STPG2: variants seen among roughly 807,000 people sequenced by gnomAD.
STPG2 encodes sperm tail PG-rich repeat containing 2, also known as sperm-tail PG-rich repeat-containing protein 2.
A neutral mutation model predicts 54.2 loss-of-function variants in STPG2; 56 were observed. The observed-to-expected ratio is 1.03, with a 90% CI of 0.83 to 1.29. The LOEUF (loss-of-function observed/expected upper bound fraction) is 1.29, where lower values mean the gene tolerates loss of function less well. STPG2 is among the 50% of genes most tolerant of loss of function. The pLI, the probability that STPG2 is intolerant of heterozygous loss-of-function variation, is 0.00. For missense variants in STPG2, 596 were observed against 544.9 expected (o/e 1.09, Z -0.93); for synonymous variants, 200 against 181.8 (o/e 1.10, Z -0.81).
At chr4:97,873,466 T>C (rs759240895) in intron 8 of STPG2, among the ~76,000 whole-genome samples, 1 of 151,552 alleles carries the variant, frequency 6.6e-6, no homozygotes, top group Non-Finnish European at 1.5e-5. Context: ...TTATTACTAA[T>C]AACATTTTAA....
intron 10 of STPG2, among the ~76,000 whole-genome samples, chr4:97,570,541 T>C (rs1732572719): frequency 6.6e-6 from 1 of 151,744 alleles, no homozygotes; most frequent in Admixed American, 6.6e-5. Flanking sequence ...CTAGGTATTC[T>C]AGATTTGCAA....
chr4:97,793,234 T>C (rs1195757771), intron 9 of STPG2, among the ~76,000 whole-genome samples: 1 of 152,142 alleles, frequency 6.6e-6, no homozygotes, highest in Non-Finnish European at 1.5e-5. Context: ...TTTTTCTGCT[T>C]TATTTTTTCT....
rs77829845 is a variant in STPG2, at chr4:97,922,709, T to C, written c.1044+21188A>G. On this transcript the variant is annotated intron_variant, in intron 8 of 10. Coordinates refer to ENST00000295268, the MANE Select transcript of STPG2 (RefSeq NM_174952.3). ...TCTGTTAGGTCCTGCAAACAGGAGA[T>C]GCTAGACAGCATATGCAAGGTTAGG... Among the ~76,000 whole-genome samples, 86 of 152,318 alleles carry C rather than the reference T, an allele frequency of 5.6e-4. 4 individuals carry two copies. In the East Asian group the frequency reaches 0.016, roughly 29 times the overall value.
chr4:97,738,429 G>C (rs1184354788), intron 9 of STPG2, among the ~76,000 whole-genome samples: 1 of 152,120 alleles, frequency 6.6e-6, no homozygotes, highest in Non-Finnish European at 1.5e-5. Context: ...ATTGGATAAA[G>C]AGTCAAGACC....
At chr4:97,816,623 C>A (rs968340443) in intron 9 of STPG2, among the ~76,000 whole-genome samples, 6 of 152,108 alleles carry the variant, frequency 3.9e-5, no homozygotes, top group African/African-American at 1.2e-4. Context: ...GCCCTCCTCA[C>A]CACGGATGAG....
chr4:97,485,101 T>C (rs1730320617), intron 4 of STPG2, among the ~76,000 whole-genome samples: 1 of 151,806 alleles, frequency 6.6e-6, no homozygotes, highest in Non-Finnish European at 1.5e-5. Flanking sequence ...GCCAACATAA[T>C]ATTGAATGGG....
At chr4:98,124,159 G>A (rs972529158) in intron 3 of STPG2, among the ~76,000 whole-genome samples, 12 of 152,020 alleles carry the variant, frequency 7.9e-5, no homozygotes, top group African/African-American at 2.9e-4. Context: ...TTTTATTGGG[G>A]CATTTAGTCC....
intron 10 of STPG2, among the ~76,000 whole-genome samples, chr4:97,622,665 A>G (rs1337982511): frequency 1.3e-5 from 2 of 152,152 alleles, no homozygotes; most frequent in South Asian, 2.1e-4. Flanking sequence ...GGAAGCATCA[A>G]TAATGTTCAA....
intron 4 of STPG2, among the ~76,000 whole-genome samples, chr4:97,513,447 A>T (rs1375679601): frequency 2.6e-5 from 4 of 152,038 alleles, no homozygotes; most frequent in Non-Finnish European, 5.9e-5. Context: ...TGAAAGTCCC[A>T]ACCCTCTAAT....
intron 4 of STPG2, among the ~76,000 whole-genome samples, chr4:97,523,967 T>G (rs1270540933): frequency 6.6e-6 from 1 of 151,910 alleles, no homozygotes; most frequent in Non-Finnish European, 1.5e-5. Context: ...TAACTGAATC[T>G]CTGAAGGAGG....
Position 98,074,365 on chromosome 4 carries a change from A to G in STPG2, c.612+31588T>C, listed in dbSNP as rs142084082. On this transcript the variant is annotated intron_variant, in intron 5 of 10. Transcript: ENST00000295268. ...ATCATTTTTAAGAATTCCTTTTTGT[A>G]TTTGGTTTTTAGCAATTTTAATATG... Among the ~76,000 whole-genome samples, 1,387 of 152,024 alleles carry G rather than the reference A, an allele frequency of 9.1e-3. 27 individuals carry two copies. Among genetic ancestry groups the G allele is most frequent in the African/African-American group, 0.031 (1,304 of 41,470 alleles).
At chr4:97,647,759 A>C (rs1721951621) in intron 10 of STPG2, among the ~76,000 whole-genome samples, 1 of 152,150 alleles carries the variant, frequency 6.6e-6, no homozygotes. Context: ...TGTCTGTAGG[A>C]ATACCACCTT....
intron 10 of STPG2, among the ~76,000 whole-genome samples, chr4:97,627,509 GGA>G (rs1734164911): frequency 6.6e-6 from 1 of 152,056 alleles, no homozygotes; most frequent in Non-Finnish European, 1.5e-5. Flanking sequence ...ACTGATGTGA[GGA>G]GAGTTTTGCA....
intron 3 of STPG2, among the ~76,000 whole-genome samples, chr4:98,112,672 T>C (rs754798507): frequency 6.6e-6 from 1 of 152,168 alleles, no homozygotes; most frequent in Non-Finnish European, 1.5e-5. Flanking sequence ...TATCCTGCTT[T>C]GATTTTAGTA....
At chr4:97,531,286 G>C (rs905296008) in intron 4 of STPG2, among the ~76,000 whole-genome samples, 1 of 152,126 alleles carries the variant, frequency 6.6e-6, no homozygotes, top group African/African-American at 2.4e-5. Context: ...CCACTATGGA[G>C]AACAGTTTGG....
chr4:97,940,529 T>C (rs1306955433), intron 8 of STPG2, among the ~76,000 whole-genome samples: 2 of 152,206 alleles, frequency 1.3e-5, no homozygotes, highest in Non-Finnish European at 2.9e-5. Context: ...TTTGTCTGAC[T>C]GTCTTATTTC....
intron 7 of STPG2, among the ~76,000 whole-genome samples, chr4:97,958,834 A>G (rs554144021): frequency 1.3e-5 from 2 of 152,324 alleles, no homozygotes; most frequent in South Asian, 4.1e-4. Context: ...AAGTCAACAA[A>G]GAAACAATGG....
chr4:98,135,880 T>G (rs1012503460), intron 1 of STPG2, among the ~76,000 whole-genome samples: 2 of 151,674 alleles, frequency 1.3e-5, no homozygotes, highest in African/African-American at 4.8e-5. Context: ...AGAACCAGAT[T>G]TCATTCCAAA....
intron 6 of STPG2, among the ~76,000 whole-genome samples, chr4:97,978,776 A>G (rs1242418258): frequency 6.6e-6 from 1 of 152,228 alleles, no homozygotes; most frequent in African/African-American, 2.4e-5. Flanking sequence ...TTTCATCCCC[A>G]GTCTATCCAG....
Sources: gnomAD v4.1 joint callset for allele counts (sites outside exome capture counted in the v4.1 genomes callset) on GRCh38, gnomAD v4.1.1 for gene constraint, MANE v1.5 for transcripts, NCBI Gene and HGNC (gene_info 2026-07-23, HGNC 2026-07-21) for gene names.